Variants in DGKD observed in about 807,000 individuals in gnomAD.
DGKD encodes diacylglycerol kinase delta.
DGKD carries 68 observed loss-of-function variants against 154.4 expected under a neutral mutation model. The observed-to-expected ratio is 0.44, with a 90% CI of 0.36 to 0.54. The LOEUF is 0.54. Among genes scored for constraint, DGKD ranks in the 20% least tolerant of loss-of-function variants. The pLI is 0.00. For missense variants in DGKD, 1,343 were observed against 1,593.6 expected (o/e 0.84, Z 2.68); for synonymous variants, 693 against 638.0 (o/e 1.09, Z -1.30).
Position 233,450,002 on chromosome 2 carries a change from C to T in DGKD, c.1909C>T (p.Gln637Ter), listed in dbSNP as rs1235247986. ...CACAGCTGTCGATGAGCAGAATGCC[C>T]AGACCCAGGAGCAGGAGGGCTTCGT... ...TEKAVDEQNA[Q>*]TQEQEGFVLG... Residue 637 changes from glutamine (Q) to a stop codon, truncating the protein, a stop_gained, in exon 16 of 30, where the codon CAG (glutamine) becomes TAG (stop). Transcript: ENST00000264057. LOFTEE classifies it high-confidence loss of function. 5 of 1,608,088 alleles carry T rather than the reference C, an allele frequency of 3.1e-6. No homozygotes were observed. The highest frequency in any genetic ancestry group is 4.2e-6 in the Non-Finnish European group (5 of 1,177,086).
In DGKD at chr2:233,449,216, T is replaced by C. The variant is rs773599478; in HGVS notation, c.1728T>C (p.Asp576=). The C allele has an allele frequency of 1.2e-6, 2 of 1,613,826 alleles. No individual in the cohort carries two copies. Among genetic ancestry groups the C allele is most frequent in the Non-Finnish European group, 8.5e-7 (1 of 1,179,922 alleles). Residue 576 remains aspartate (D), a synonymous_variant, in exon 15 of 30, where the codon GAT becomes GAC. Coordinates refer to ENST00000264057, the MANE Select transcript of DGKD (RefSeq NM_152879.3). The surrounding 1 kb of genome is among the most constrained non-coding windows in gnomAD (Gnocchi z 5.3). The part of the protein sequence containing the change: ...PPPTIAEEAE[D]GDGSGSICGS... The stretch of plus-strand genomic sequence containing the variant: ...CCACCATTGCCGAGGAGGCTGAAGA[T>C]GGAGATGGGTCGGGCAGCATCTGCG...
chr2:233,413,336 T>C (rs1240634214), intron 3 of DGKD, among the ~76,000 whole-genome samples: 3 of 152,198 alleles, frequency 2.0e-5, no homozygotes, highest in African/African-American at 7.2e-5. Context: ...TGCTAGAGTT[T>C]ACCAGTGAAA....
At position 233,362,026 on chromosome 2, in the gene DGKD, A is replaced by C. The variant is rs182659993; in HGVS notation, c.156+7352A>C. The stretch of plus-strand genomic sequence containing the variant: ...TTAGCTAAGCTGGTCTCGAACTCCC[A>C]ATCTCAGGTGATCTGCCCGCCTCGG... On this transcript the variant is annotated intron_variant, in intron 1 of 29. Transcript: ENST00000264057. 9.9e-5 allele frequency among the ~76,000 whole-genome samples: 15 copies of C among 152,262 alleles called. No homozygotes were observed. In the East Asian group the frequency reaches 2.9e-3, roughly 29 times the overall value.
Position 233,457,208 on chromosome 2 carries a change from C to G in DGKD, c.2473-13C>G, listed in dbSNP as rs375816382. The G allele has an allele frequency of 6.6e-7, 1 of 1,504,750 alleles. No individual in the cohort carries two copies. The highest frequency in any genetic ancestry group is 1.3e-5 in the South Asian group (1 of 74,750). The allele number at this position is 1,504,750 out of a possible 1,614,324, so 93.2% of individuals were successfully genotyped here. ...CTTTCTCTTTTCTTTTGTTCTGTGT[C>G]TCTGCTGCTCAGTGTGACGGGCGAC... On this transcript the variant is annotated splice_polypyrimidine_tract_variant and intron_variant, in intron 20 of 29. Transcript: ENST00000264057. The surrounding 1 kb of genome is among the most constrained non-coding windows in gnomAD (Gnocchi z 5.5).
At chr2:233,423,105 A>G (rs983382023) in intron 3 of DGKD, among the ~76,000 whole-genome samples, 1 of 149,236 alleles carries the variant, frequency 6.7e-6, no homozygotes, top group Non-Finnish European at 1.5e-5. Context: ...GTTCCTTTTT[A>G]TTACTGAGTA....
At chr2:233,360,242 T>C (rs1701717154) in intron 1 of DGKD, among the ~76,000 whole-genome samples, 1 of 152,140 alleles carries the variant, frequency 6.6e-6, no homozygotes, top group African/African-American at 2.4e-5. Context: ...TAATAAGATA[T>C]TAGTTAAATA....
At chr2:233,447,672 A>G (rs1158450071) in intron 12 of DGKD, 2 of 1,025,796 alleles carry the variant, frequency 1.9e-6, no homozygotes, top group Non-Finnish European at 2.3e-6. Context: ...GCCAGAACAG[A>G]TGGTGGGGGC....
rs752944337 is a variant in DGKD at position 233,446,709 on chromosome 2, C to T, written c.1335-3C>T. ...GCCTGTGCAGCTGACCTTGTGTGTG[C>T]AGGTGGAGCGTCATGGCATACGAGG... On this transcript the variant is annotated splice_polypyrimidine_tract_variant and splice_region_variant and intron_variant, in intron 11 of 29. Transcript: ENST00000264057. 1.9e-6 allele frequency: 3 copies of T among 1,613,296 alleles called. No homozygotes were observed. In the Admixed American group the frequency reaches 5.0e-5, roughly 27 times the overall value.
At chr2:233,468,844 C>T (rs1009997563) in intron 29 of DGKD, among the ~76,000 whole-genome samples, 3 of 152,230 alleles carry the variant, frequency 2.0e-5, no homozygotes, top group African/African-American at 7.2e-5. Flanking sequence ...GACACAGACC[C>T]TGAAGCACAG....
rs200083500 is a variant in DGKD, at chr2:233,462,490, T to G, written c.3093+31T>G. The G allele has an allele frequency of 3.6e-5, 57 of 1,578,246 alleles. No homozygotes were observed. In the Middle Eastern group the frequency reaches 6.7e-4, roughly 19 times the overall value. On this transcript the variant is annotated intron_variant, in intron 25 of 29. Transcript: ENST00000264057. ...TATTCTGGCCTTTTCAGTCCTGGCT[T>G]CTTCTCAGTGTCTGCCGCCCTCGGC...
intron 3 of DGKD, among the ~76,000 whole-genome samples, chr2:233,401,649 G>A (rs1371534207): frequency 1.3e-5 from 2 of 152,132 alleles, no homozygotes; most frequent in Admixed American, 1.3e-4. Context: ...GGCTGGGCAT[G>A]GTGGCTAACA....
Position 233,435,154 on chromosome 2 carries a change from G to C in DGKD, c.586+253G>C, listed in dbSNP as rs188259019. On this transcript the variant is annotated intron_variant, in intron 5 of 29. Coordinates refer to ENST00000264057, the MANE Select transcript of DGKD (RefSeq NM_152879.3). ...CAAAAGGAGAAATGGGAAATCTAGA[G>C]CACACAGAGGGAAAGGCACTGAAGG... is the stretch of plus-strand genomic sequence containing the variant. 3.9e-5 allele frequency among the ~76,000 whole-genome samples: 6 copies of C among 152,310 alleles called. No individual in the cohort carries two copies. In the East Asian group the frequency reaches 1.2e-3, roughly 29 times the overall value.
At chr2:233,426,314 T>TTA (rs1297625953) in intron 3 of DGKD, among the ~76,000 whole-genome samples, 2 of 152,216 alleles carry the variant, frequency 1.3e-5, no homozygotes, top group Non-Finnish European at 2.9e-5. Context: ...AGTTATGTGG[T>TTA]TATGTGTTTT....
chr2:233,446,843 C>T (rs377137991), intron 12 of DGKD, 47 bp downstream of exon 12: 2 of 1,599,822 alleles, frequency 1.3e-6, no homozygotes, highest in African/African-American at 1.3e-5. Context: ...CTGATGTGAT[C>T]AGAACTGTCC....
chr2:233,438,130 G>C lies in DGKD; in HGVS notation c.923-87G>C, dbSNP rs2062759271. On this transcript the variant is annotated intron_variant, in intron 8 of 29. Coordinates refer to ENST00000264057, the MANE Select transcript of DGKD (RefSeq NM_152879.3). The surrounding 1 kb of genome is among the most constrained non-coding windows in gnomAD (Gnocchi z 4.1). ...CATGTGTCAGGTGTGTGTCCTTTGG[G>C]GGGGTCTGCTGCTGCTGATTCCATC... is the stretch of plus-strand genomic sequence containing the variant. The C allele has an allele frequency of 2.0e-6, 3 of 1,463,498 alleles. No homozygotes were observed. Among genetic ancestry groups the C allele is most frequent in the African/African-American group, 2.8e-5 (2 of 71,462 alleles). The allele number at this position is 1,463,498 out of a possible 1,614,324, so 90.7% of individuals were successfully genotyped here. A position where few individuals can be genotyped will look rare whatever the true frequency, so the allele number is the denominator to read the frequency against.
intron 7 of DGKD, among the ~76,000 whole-genome samples, chr2:233,436,935 C>T (rs1428841388): frequency 6.6e-6 from 1 of 152,186 alleles, no homozygotes; most frequent in East Asian, 1.9e-4. Flanking sequence ...CAGGGAGCCT[C>T]CATGTACTTG....
At chr2:233,398,474 T>C (rs1488497226) in intron 3 of DGKD, among the ~76,000 whole-genome samples, 2 of 152,142 alleles carry the variant, frequency 1.3e-5, no homozygotes, top group African/African-American at 2.4e-5. Context: ...AAAAGTTTTC[T>C]GTTTAACAAA....
At chr2:233,461,973 C>T (rs574224057) in intron 24 of DGKD, among the ~76,000 whole-genome samples, 2 of 152,358 alleles carry the variant, frequency 1.3e-5, no homozygotes, top group South Asian at 4.1e-4. Flanking sequence ...ACAGACCGGC[C>T]AGTTACAGGT....
intron 1 of DGKD, among the ~76,000 whole-genome samples, chr2:233,371,579 T>C (rs565667556): frequency 1.3e-5 from 2 of 152,256 alleles, no homozygotes; most frequent in Non-Finnish European, 2.9e-5. Flanking sequence ...TTGCTCGTGC[T>C]TTTGGTGTTA....
Sources: allele counts gnomAD v4.1 joint callset (sites outside exome capture counted in the v4.1 genomes callset), GRCh38; gene constraint gnomAD v4.1.1; non-coding constraint Gnocchi (gnomAD v3.1); transcripts MANE v1.5; gene names NCBI Gene and HGNC (gene_info 2026-07-23, HGNC 2026-07-21).